Variants in ZBTB20 observed in about 807,000 individuals in gnomAD.
ZBTB20 encodes the protein zinc finger and BTB domain containing 20.
A neutral mutation model predicts 56.9 loss-of-function variants in ZBTB20; 9 were observed. That is an observed-to-expected ratio of 0.16 (90% CI 0.10 to 0.28). The LOEUF is 0.28. Among genes scored for constraint, ZBTB20 ranks in the 10% least tolerant of loss-of-function variants. The probability of loss-of-function intolerance (pLI) is 1.00; values close to 1 mark genes in which losing one functional copy is unlikely to be tolerated. For missense variants in ZBTB20, 655 were observed against 1,003.0 expected (o/e 0.65, Z 4.69); for synonymous variants, 417 against 420.7 (o/e 0.99, Z 0.11).
chr3:114,477,598 C>T (rs549588100), intron 7 of ZBTB20, among the ~76,000 whole-genome samples: 55 of 148,726 alleles, frequency 3.7e-4, no homozygotes, highest in African/African-American at 4.5e-4. Context: ...TCGGTTCAAG[C>T]GATTCTCCTG....
chr3:114,986,146 TATATGAA>T (rs1395386257), intron 2 of ZBTB20, among the ~76,000 whole-genome samples: 1 of 152,082 alleles, frequency 6.6e-6, no homozygotes, highest in Non-Finnish European at 1.5e-5. Context: ...ATTTTGCTTT[TATATGAA>T]ATATATGTGT....
chr3:115,098,924 C>T (rs968166403), intron 1 of ZBTB20, among the ~76,000 whole-genome samples: 3 of 152,154 alleles, frequency 2.0e-5, no homozygotes, highest in African/African-American at 7.2e-5. Flanking sequence ...TACAGATCAG[C>T]ATCCATTTTC....
At chr3:115,095,213 C>T (rs1170296771) in intron 1 of ZBTB20, among the ~76,000 whole-genome samples, 2 of 152,050 alleles carry the variant, frequency 1.3e-5, no homozygotes, top group Admixed American at 6.6e-5. Context: ...TTCTTCTTCC[C>T]TCTGGAAACT....
chr3:114,397,349 C>A (rs1440043078), intron 7 of ZBTB20, among the ~76,000 whole-genome samples: 1 of 152,142 alleles, frequency 6.6e-6, no homozygotes, highest in Admixed American at 6.6e-5. Context: ...ATAAAAGGAT[C>A]TACACCATGC....
intron 4 of ZBTB20, among the ~76,000 whole-genome samples, chr3:114,850,253 C>T (rs2074933609): frequency 6.6e-6 from 1 of 152,068 alleles, no homozygotes; most frequent in African/African-American, 2.4e-5. Context: ...CTCATAACTA[C>T]TACTTTATGG....
chr3:114,759,732 A>C (rs910268366), intron 5 of ZBTB20, among the ~76,000 whole-genome samples: 2 of 152,182 alleles, frequency 1.3e-5, no homozygotes, highest in African/African-American at 4.8e-5. Context: ...ATCAGTTTGC[A>C]ACAATGACTG....
intron 6 of ZBTB20, among the ~76,000 whole-genome samples, chr3:114,531,096 T>C (rs949590662): frequency 1.3e-5 from 2 of 152,184 alleles, no homozygotes; most frequent in African/African-American, 2.4e-5. Context: ...AAAACCTGTA[T>C]TGCCTATAGT....
chr3:114,395,055 G>T (rs983051510), intron 7 of ZBTB20, among the ~76,000 whole-genome samples: 3 of 151,988 alleles, frequency 2.0e-5, no homozygotes, highest in Admixed American at 6.6e-5. Flanking sequence ...AACCTTAATT[G>T]TCTAACAGCA....
chr3:114,668,752 C>A (rs1268455113), intron 6 of ZBTB20, among the ~76,000 whole-genome samples: 2 of 151,904 alleles, frequency 1.3e-5, no homozygotes. Flanking sequence ...ATAGTAATAA[C>A]GAGACCAATA....
intron 4 of ZBTB20, among the ~76,000 whole-genome samples, chr3:114,807,297 A>C (rs2072178717): frequency 6.6e-6 from 1 of 151,790 alleles, no homozygotes; most frequent in Non-Finnish European, 1.5e-5. Context: ...GTGTATGTAC[A>C]TTGCTTAGAA....
intron 4 of ZBTB20, among the ~76,000 whole-genome samples, chr3:114,888,482 C>T (rs1270835744): frequency 1.3e-5 from 2 of 152,002 alleles, no homozygotes; most frequent in Non-Finnish European, 2.9e-5. Flanking sequence ...TGATCAATAG[C>T]AAAAGTATAC....
At chr3:114,791,360 G>C (rs1162166436) in intron 5 of ZBTB20, among the ~76,000 whole-genome samples, 1 of 152,114 alleles carries the variant, frequency 6.6e-6, no homozygotes, top group Non-Finnish European at 1.5e-5. Flanking sequence ...CATGCAAACT[G>C]TTTTTCTATC....
intron 4 of ZBTB20, among the ~76,000 whole-genome samples, chr3:114,840,867 T>C (rs1560308503): frequency 6.6e-6 from 1 of 152,304 alleles, no homozygotes; most frequent in South Asian, 2.1e-4. Context: ...CTATTCAAAA[T>C]GCATAAATGA....
At chr3:114,973,340 A>G (rs1439315521) in intron 3 of ZBTB20, among the ~76,000 whole-genome samples, 2 of 152,208 alleles carry the variant, frequency 1.3e-5, no homozygotes, top group Non-Finnish European at 2.9e-5. Flanking sequence ...TTAAAATTAG[A>G]AAGCAGGTGA....
At position 114,443,980 on chromosome 3, in the gene ZBTB20, G is replaced by A. The variant is rs141676080; in HGVS notation, c.-254-54875C>T. On this transcript the variant is annotated intron_variant, in intron 7 of 11. Coordinates refer to ENST00000675478, the MANE Select transcript of ZBTB20 (RefSeq NM_001348800.3). Reference sequence around the variant, plus strand: ...TGAAATATGGCAAGGCTCATTAAAAGATACAAAGTGTTGTAGAAATAAAGG... The same window carrying A: ...TGAAATATGGCAAGGCTCATTAAAAAATACAAAGTGTTGTAGAAATAAAGG... Among the ~76,000 whole-genome samples, 451 of 152,208 alleles carry A rather than the reference G, an allele frequency of 3.0e-3. 2 individuals are homozygous for A. The highest frequency in any genetic ancestry group is 0.01 in the African/African-American group (424 of 41,538).
intron 6 of ZBTB20, among the ~76,000 whole-genome samples, chr3:114,597,585 A>T (rs1274488934): frequency 6.6e-6 from 1 of 152,152 alleles, no homozygotes; most frequent in African/African-American, 2.4e-5. Context: ...ACATAAAGCG[A>T]TCATGCCAAG....
At chr3:114,793,595 C>T (rs560047244) in intron 5 of ZBTB20, among the ~76,000 whole-genome samples, 6 of 152,240 alleles carry the variant, frequency 3.9e-5, no homozygotes, top group African/African-American at 1.2e-4. Context: ...AACCTCTCAA[C>T]GCACTCTCTC....
intron 2 of ZBTB20, among the ~76,000 whole-genome samples, chr3:115,022,241 CAT>C (rs2080236745): frequency 6.6e-6 from 1 of 150,662 alleles, no homozygotes; most frequent in Non-Finnish European, 1.5e-5. Flanking sequence ...TATTTAATAA[CAT>C]ATATAAAAAG....
intron 4 of ZBTB20, among the ~76,000 whole-genome samples, chr3:114,816,134 T>C (rs2072898439): frequency 1.3e-5 from 2 of 152,226 alleles, no homozygotes; most frequent in Admixed American, 6.5e-5. Context: ...TAAAATGCTT[T>C]AACAAAAACT....
Sources: gnomAD v4.1 joint callset for allele counts (sites outside exome capture counted in the v4.1 genomes callset) on GRCh38, gnomAD v4.1.1 for gene constraint, MANE v1.5 for transcripts, NCBI Gene and HGNC (gene_info 2026-07-23, HGNC 2026-07-21) for gene names.